The following FRYL variants were observed in gnomAD, a reference collection of about 807,000 sequenced individuals.
FRYL encodes protein furry homolog-like.
In FRYL, 150 loss-of-function variants were observed where a neutral mutation model predicts 351.2. That is an observed-to-expected ratio of 0.43 (90% CI 0.37 to 0.49). The LOEUF (loss-of-function observed/expected upper bound fraction) is 0.49. Among genes scored for constraint, FRYL ranks in the 20% least tolerant of loss-of-function variants. The pLI is 0.00. For missense variants in FRYL, 3,036 were observed against 3,619.3 expected (o/e 0.84, Z 4.13); for synonymous variants, 1,153 against 1,257.1 (o/e 0.92, Z 1.75).
At chr4:48,704,630 G>A (rs980011063) in intron 2 of FRYL, among the ~76,000 whole-genome samples, 19 of 152,110 alleles carry the variant, frequency 1.2e-4, no homozygotes, top group African/African-American at 4.1e-4. Flanking sequence ...TGGCCAACAC[G>A]GCAAAACCCT....
At chr4:48,748,129 C>A (rs1772868323) in intron 1 of FRYL, among the ~76,000 whole-genome samples, 1 of 151,994 alleles carries the variant, frequency 6.6e-6, no homozygotes, top group Non-Finnish European at 1.5e-5. Flanking sequence ...GCCTGTAGTC[C>A]CAGCTACTTG....
Position 48,553,332 on chromosome 4 carries a change from C to G in FRYL, c.4318G>C (p.Glu1440Gln), listed in dbSNP as rs531646158. Residue 1440 changes from glutamate to glutamine, a missense_variant, in exon 36 of 64, where the codon GAA becomes CAA. This residue lies in a region of FRYL where 1,987 missense variants were observed against 2,311.7 expected (regional missense o/e 0.86). Coordinates refer to ENST00000358350, the MANE Select transcript of FRYL (RefSeq NM_015030.2). The stretch of plus-strand genomic sequence containing the variant: ...AGCTGAAGCTCACTCACCAGCTCTT[C>G]TAGCAACTGCATTGTTTTATCTCTA... Reference protein sequence around the residue: ...LGRDKTMQLLEELVSELQLTD... With the variant: ...LGRDKTMQLLQELVSELQLTD... 7 of 1,612,992 alleles carry G rather than the reference C, an allele frequency of 4.3e-6. No homozygotes were observed. The South Asian group carries it at 7.7e-5, about 18-fold the overall frequency.
Position 48,673,385 on chromosome 4 carries a change from A to AT in FRYL, c.-81+11287dup, listed in dbSNP as rs528385114. 1.1e-3 allele frequency among the ~76,000 whole-genome samples: 162 copies of AT among 152,260 alleles called. 1 individual carries two copies. Among genetic ancestry groups the AT allele is most frequent in the African/African-American group, 3.8e-3 (156 of 41,560 alleles). ...AAACTTGATAGATACACTAGTCTTT[A>AT]TTTTTTTAAGAGACAGAGCCTCGCT... On this transcript the variant is annotated intron_variant, in intron 3 of 63. Transcript: ENST00000358350.
At chr4:48,774,667 T>A (rs1400178021) in intron 1 of FRYL, among the ~76,000 whole-genome samples, 3 of 151,860 alleles carry the variant, frequency 2.0e-5, no homozygotes, top group African/African-American at 7.3e-5. Flanking sequence ...TGCCTCAGAC[T>A]CCAGAGTACC....
rs528257846 is a variant in FRYL at position 48,613,725 on chromosome 4, G to A, written c.412-3902C>T. Reference sequence around the variant, plus strand: ...AATCCCAGCACTCTGGGAGGCTGAGGCGGGTGGATCATCTGAGGTCAGGAG... The same window carrying A: ...AATCCCAGCACTCTGGGAGGCTGAGACGGGTGGATCATCTGAGGTCAGGAG... On this transcript the variant is annotated intron_variant, in intron 7 of 63. Transcript: ENST00000358350. 8.3e-4 allele frequency among the ~76,000 whole-genome samples: 126 copies of A among 151,710 alleles called. 1 individual carries two copies. The highest frequency in any genetic ancestry group is 3.0e-3 in the African/African-American group (123 of 40,942).
Position 48,540,639 on chromosome 4 carries a change from A to T in FRYL, c.6009T>A (p.Ile2003=), listed in dbSNP as rs770204950. Residue 2003 remains isoleucine, a synonymous_variant, in exon 46 of 64, where the codon ATT becomes ATA. Coordinates refer to ENST00000358350, the MANE Select transcript of FRYL (RefSeq NM_015030.2). ...CTAATAAAGATGCTGCTATCCAAAA[A>T]ATGGTGGCCATCAAGTTGGTAGGCT... ...TTEPTNLMAT[I]FWIAASLLES... The T allele has an allele frequency of 7.4e-6, 12 of 1,614,026 alleles. No individual in the cohort carries two copies. Among genetic ancestry groups the T allele is most frequent in the Non-Finnish European group, 1.0e-5 (12 of 1,179,948 alleles).
At chr4:48,572,749 T>C (rs1481494304) in intron 26 of FRYL, among the ~76,000 whole-genome samples, 1 of 152,222 alleles carries the variant, frequency 6.6e-6, no homozygotes, top group Non-Finnish European at 1.5e-5. Context: ...CTAGGCTCAG[T>C]CTTGTGAAAC....
rs769628973 is a variant in FRYL, at chr4:48,580,801, T to C, written c.2259+64A>G. The stretch of plus-strand genomic sequence containing the variant: ...TATTTTATGTATGCACATGTACATG[T>C]ATACATATGTGTCTGTCATAAGTCT... On this transcript the variant is annotated intron_variant, in intron 22 of 63. Transcript: ENST00000358350. 35 of 977,092 alleles carry C rather than the reference T, an allele frequency of 3.6e-5. No individual in the cohort carries two copies. The African/African-American group carries it at 5.6e-4, about 16-fold the overall frequency. The allele number at this position is 977,092 out of a possible 1,614,324, so 60.5% of individuals were successfully genotyped here.
chr4:48,570,849 C>A lies in FRYL; in HGVS notation c.2974G>T (p.Asp992Tyr), dbSNP rs751345549. 2 of 1,613,504 alleles carry A rather than the reference C, an allele frequency of 1.2e-6. No homozygotes were observed. The highest frequency in any genetic ancestry group is 1.7e-6 in the Non-Finnish European group (2 of 1,179,406). The change falls in exon 27 of 64, where the codon GAT becomes TAT. Residue 992 changes from aspartate (D) to tyrosine (Y), a missense_variant. Around this residue, in one of 7 missense-constraint regions of FRYL, gnomAD observed 492 missense variants for 551.5 expected, o/e 0.89. Coordinates refer to ENST00000358350, the MANE Select transcript of FRYL (RefSeq NM_015030.2). ...QLVRIFELLA[D>Y]AGVISHSASG... ...GACCTGTGACTAATGACACCAGCAT[C>A]TGCCAGCAGTTCAAATATTCGTACC...
rs927869870 is a variant in FRYL, at chr4:48,534,789, A to G, written c.6565-104T>C. 4 of 668,928 alleles carry G rather than the reference A, an allele frequency of 6.0e-6. No individual in the cohort carries two copies. In the African/African-American group the frequency reaches 7.3e-5, roughly 12 times the overall value. The allele number at this position is 668,928 out of a possible 1,614,324, so 41.4% of individuals were successfully genotyped here. ...TTGGAAAACATAGATTTAGCCTATG[A>G]GTTTATAGTTATGTGGATTAGAAAT... On this transcript the variant is annotated intron_variant, in intron 48 of 63. Transcript: ENST00000358350.
intron 4 of FRYL, among the ~76,000 whole-genome samples, chr4:48,624,902 G>A (rs908344956): frequency 2.0e-5 from 3 of 152,182 alleles, no homozygotes; most frequent in Admixed American, 6.5e-5. Context: ...CTGCCTGACC[G>A]ACTTGAGCTA....
chr4:48,634,718 T>A (rs1753893847), intron 3 of FRYL, among the ~76,000 whole-genome samples: 2 of 152,182 alleles, frequency 1.3e-5, no homozygotes, highest in African/African-American at 4.8e-5. Flanking sequence ...AATGTGAATA[T>A]AAGAACAGGG....
intron 4 of FRYL, among the ~76,000 whole-genome samples, chr4:48,629,314 A>G (rs1752510574): frequency 6.6e-6 from 1 of 152,182 alleles, no homozygotes; most frequent in Non-Finnish European, 1.5e-5. Flanking sequence ...AAAACAGAAC[A>G]GTGAAATAAT....
At chr4:48,768,518 A>T (rs2138868) in intron 1 of FRYL, among the ~76,000 whole-genome samples, 2 of 152,216 alleles carry the variant, frequency 1.3e-5, no homozygotes, top group African/African-American at 4.8e-5. Flanking sequence ...CAAAAAGTAC[A>T]ATTCAGCCGG....
At chr4:48,588,273 C>A (rs1411165720) in intron 18 of FRYL, among the ~76,000 whole-genome samples, 1 of 152,182 alleles carries the variant, frequency 6.6e-6, no homozygotes, top group Non-Finnish European at 1.5e-5. Flanking sequence ...AGTAACATCA[C>A]TGTGTAGTGT....
chr4:48,526,439 A>T (rs1560538939), intron 53 of FRYL, among the ~76,000 whole-genome samples: 1 of 152,172 alleles, frequency 6.6e-6, no homozygotes, highest in South Asian at 2.1e-4. Context: ...TGGTTGTTTC[A>T]GAAAGTAGCA....
rs1374990124 is a variant in FRYL, at chr4:48,515,185, A to T, written c.7780T>A (p.Cys2594Ser). 6.2e-7 allele frequency: 1 copy of T among 1,613,832 alleles called. No homozygotes were observed. The highest frequency in any genetic ancestry group is 1.3e-5 in the African/African-American group (1 of 75,040). The change falls in exon 56 of 64, where the codon TGT becomes AGT. Residue 2594 changes from cysteine to serine, a missense_variant. Transcript: ENST00000358350. Reference protein sequence around the residue: ...IIQEQQESLVCQGILDLEETE... With the variant: ...IIQEQQESLVSQGILDLEETE... Reference sequence around the variant, plus strand: ...TCTTCTAAATCAAGAATTCCTTGACACACAAGAGATTCCTGCTGTTCTTGA... The same window carrying T: ...TCTTCTAAATCAAGAATTCCTTGACTCACAAGAGATTCCTGCTGTTCTTGA...
chr4:48,746,401 C>T (rs536485389), intron 1 of FRYL, among the ~76,000 whole-genome samples: 18 of 151,960 alleles, frequency 1.2e-4, no homozygotes, highest in Non-Finnish European at 2.2e-4. Context: ...AAAAATTAGC[C>T]GGGCATGGTG....
intron 15 of FRYL, 65 bp downstream of exon 15, chr4:48,595,525 C>T (rs1244055908): frequency 2.3e-6 from 2 of 876,642 alleles, no homozygotes; most frequent in African/African-American, 3.5e-5. Flanking sequence ...TTCAAAGCTC[C>T]AAGTGATTAC....
Sources: gnomAD v4.1 joint callset for allele counts (sites outside exome capture counted in the v4.1 genomes callset) on GRCh38, gnomAD v4.1.1 for gene constraint, gnomAD v4.1.1 regional missense constraint, MANE v1.5 for transcripts, NCBI Gene and HGNC (gene_info 2026-07-23, HGNC 2026-07-21) for gene names.